The following PRPF8 variants were observed in gnomAD, a reference collection of about 807,000 sequenced individuals.
The protein encoded by PRPF8 is pre-mRNA-processing-splicing factor 8.
Under a neutral mutation model 285.9 loss-of-function variants are expected in PRPF8, and 64 were observed. The ratio of observed to expected loss-of-function variants is 0.22; its 90% CI spans 0.18 to 0.28. PRPF8 has a LOEUF of 0.28. PRPF8 is among the 10% of genes least tolerant of loss of function. PRPF8 has a pLI of 1.00. For missense variants in PRPF8, 1,426 were observed against 3,026.7 expected, an observed-to-expected ratio of 0.47 and a Z score of 12.41; for synonymous variants, 1,325 against 1,118.2, an observed-to-expected ratio of 1.18 and a Z score of -3.69.
rs747601595 is a variant in PRPF8, at chr17:1,655,343, T to C, written c.5987+7A>G. ...CTCCTGTCTGTGTCCCCACCAGCAC[T>C]GCTCACTTGTTTTTCTTGCCGTAGT... On this transcript the variant is annotated splice_region_variant and intron_variant, in intron 37 of 42. Coordinates refer to ENST00000304992, the MANE Select transcript of PRPF8 (RefSeq NM_006445.4). 6.8e-6 allele frequency: 11 copies of C among 1,612,950 alleles called. No homozygotes were observed. The South Asian group carries it at 8.8e-5, about 13-fold the overall frequency.
chr17:1,671,871 A>T (rs911066834), intron 24 of PRPF8, among the ~76,000 whole-genome samples: 1 of 151,046 alleles, frequency 6.6e-6, no homozygotes, highest in Non-Finnish European at 1.5e-5. Flanking sequence ...AAAAAAAAAA[A>T]AAAATTAAAA....
At position 1,661,207 on chromosome 17, in the gene PRPF8, C is replaced by T; in HGVS notation, c.4339-45G>A. ...CGGTCAAGCTTCTGGGTGCCTATTG[C>T]CCCAAGTTTCGGGGATAGCCATGGA... On this transcript the variant is annotated intron_variant, in intron 27 of 42. Coordinates refer to ENST00000304992, the MANE Select transcript of PRPF8 (RefSeq NM_006445.4). This position sits in a 1 kb window ranked among gnomAD's most constrained non-coding sequence, Gnocchi z 7.3. 1 of 1,614,048 alleles carries T rather than the reference C, an allele frequency of 6.2e-7. No individual in the cohort carries two copies. The highest frequency in any genetic ancestry group is 8.5e-7 in the Non-Finnish European group (1 of 1,180,008).
rs775835197 is a variant in PRPF8 at position 1,651,790 on chromosome 17, T to C, written c.6370-2A>G. The C allele has an allele frequency of 6.2e-7, 1 of 1,614,074 alleles. No individual in the cohort carries two copies. The highest frequency in any genetic ancestry group is 1.1e-5 in the South Asian group (1 of 91,084). On this transcript the variant is annotated splice_acceptor_variant, in intron 39 of 42. Transcript: ENST00000304992. LOFTEE classifies it high-confidence loss of function. This position sits in a 1 kb window ranked among gnomAD's most constrained non-coding sequence, Gnocchi z 5.1. ...CACCCCATATAGGTATCCTGCAATC[T>C]GGAGACAAAGGGGTCAGGAACCAAA...
At chr17:1,678,243 A>T (rs1484562663) in intron 13 of PRPF8, among the ~76,000 whole-genome samples, 1 of 152,028 alleles carries the variant, frequency 6.6e-6, no homozygotes, top group East Asian at 1.9e-4. Flanking sequence ...TCAACCCGGG[A>T]GGCGGAGGCT....
chr17:1,674,370 C>T, intron 21 of PRPF8, 72 bp downstream of exon 21: 3 of 1,471,642 alleles, frequency 2.0e-6, no homozygotes, highest in Non-Finnish European at 2.9e-6. Context: ...AACTCAGGTA[C>T]AATAGCTGAT....
intron 36 of PRPF8, 122 bp from the exon 37 acceptor site, chr17:1,655,665 C>T (rs28556319): frequency 0.042 from 35,797 of 862,400 alleles, 1,883 homozygotes; most frequent in African/African-American, 0.2. Context: ...CTTGCTCTGT[C>T]GCCCAGGCTG....
Position 1,675,354 on chromosome 17 carries a change from G to T in PRPF8, c.2873-15C>A, listed in dbSNP as rs1310783982. The T allele has an allele frequency of 1.2e-6, 2 of 1,613,858 alleles. No individual in the cohort carries two copies. The highest frequency in any genetic ancestry group is 2.7e-5 in the African/African-American group (2 of 74,878). ...GTTATTGATGCCTGAGGAGTAGCAA[G>T]GCAGGTCTCCAGCAGGTTAGAAATC... is the stretch of plus-strand genomic sequence containing the variant. On this transcript the variant is annotated splice_polypyrimidine_tract_variant and intron_variant, in intron 19 of 42. Transcript: ENST00000304992. This position sits in a 1 kb window ranked among gnomAD's most constrained non-coding sequence, Gnocchi z 6.0.
intron 2 of PRPF8, 70 bp downstream of exon 2, chr17:1,684,402 C>T (rs1913115705): frequency 6.6e-7 from 1 of 1,525,198 alleles, no homozygotes; most frequent in East Asian, 2.3e-5. Context: ...GGGGAGGGTC[C>T]CCACCCGCCT....
chr17:1,661,507 C>G lies in PRPF8; in HGVS notation c.4203-101G>C. 6.2e-7 allele frequency: 1 copy of G among 1,608,514 alleles called. No homozygotes were observed. The highest frequency in any genetic ancestry group is 8.5e-7 in the Non-Finnish European group (1 of 1,177,312). On this transcript the variant is annotated intron_variant, in intron 26 of 42. Transcript: ENST00000304992. The surrounding 1 kb of genome is among the most constrained non-coding windows in gnomAD (Gnocchi z 7.3). ...AATTAGGGTCAGTAGAACCAGCCTT[C>G]TCACCTCCATACAACCATGGCATGC...
In PRPF8 at chr17:1,658,388, G is replaced by A. The variant is rs1488174300; in HGVS notation, c.5377-7C>T. ...TCAAGTTCCCTTCAAAGGTCTAGAG[G>A]AGGACGGCATTCGTTAGCATGGCCT... On this transcript the variant is annotated splice_region_variant and splice_polypyrimidine_tract_variant and intron_variant, in intron 33 of 42. Coordinates refer to ENST00000304992, the MANE Select transcript of PRPF8 (RefSeq NM_006445.4). The surrounding 1 kb of genome is among the most constrained non-coding windows in gnomAD (Gnocchi z 4.1). 1 of 1,614,068 alleles carries A rather than the reference G, an allele frequency of 6.2e-7. No individual in the cohort carries two copies. The highest frequency in any genetic ancestry group is 8.5e-7 in the Non-Finnish European group (1 of 1,180,044).
Position 1,679,490 on chromosome 17 carries a change from AC to A in PRPF8, c.1290-81del. On this transcript the variant is annotated intron_variant, in intron 9 of 42. Coordinates refer to ENST00000304992, the MANE Select transcript of PRPF8 (RefSeq NM_006445.4). This position sits in a 1 kb window ranked among gnomAD's most constrained non-coding sequence, Gnocchi z 4.7. The stretch of plus-strand genomic sequence containing the variant: ...AAAGGCTGCAAGCCTTGGGTTGTCT[AC>A]CATTTTTATGGGAAAAAAAAAAAAA... 6.3e-7 allele frequency: 1 copy of A among 1,595,552 alleles called. No individual in the cohort carries two copies. The highest frequency in any genetic ancestry group is 8.5e-7 in the Non-Finnish European group (1 of 1,175,460).
intron 39 of PRPF8, among the ~76,000 whole-genome samples, chr17:1,652,469 C>G (rs1465865757): frequency 6.6e-6 from 1 of 152,168 alleles, no homozygotes; most frequent in Non-Finnish European, 1.5e-5. Flanking sequence ...GAACTCCTGA[C>G]CTCAAGTGAT....
At chr17:1,660,150 T>A (rs754083276) in intron 30 of PRPF8, 149 bp from the exon 31 acceptor site, 2 of 1,101,314 alleles carry the variant, frequency 1.8e-6, no homozygotes, top group African/African-American at 1.5e-5. Flanking sequence ...CTGAGCTGAC[T>A]CTGTACAGCA....
intron 6 of PRPF8, among the ~76,000 whole-genome samples, 164 bp from the exon 7 acceptor site, chr17:1,681,218 C>T (rs1402906856): frequency 1.3e-5 from 2 of 151,990 alleles, no homozygotes; most frequent in Non-Finnish European, 2.9e-5. Context: ...GTAACTGAGA[C>T]TACACGAAGC....
Position 1,682,272 on chromosome 17 carries a change from G to A in PRPF8, c.291C>T (p.His97=), listed in dbSNP as rs150683206. ...VYLGALKYMP[H]AVLKLLENMP... ...TGTTCTCCAGGAGTTTGAGGACTGCGTGGGGCATGTACTTTAGGGCACTGG... is the reference window on the plus strand; with the variant it reads ...TGTTCTCCAGGAGTTTGAGGACTGCATGGGGCATGTACTTTAGGGCACTGG... The change falls in exon 4 of 43, where the codon CAC becomes CAT. Residue 97 remains histidine (H), a synonymous_variant. Coordinates refer to ENST00000304992, the MANE Select transcript of PRPF8 (RefSeq NM_006445.4). The A allele has an allele frequency of 6.8e-6, 11 of 1,614,042 alleles. No individual in the cohort carries two copies. The highest frequency in any genetic ancestry group is 5.3e-5 in the African/African-American group (4 of 74,924).
chr17:1,655,658 G>A lies in PRPF8; in HGVS notation c.5794-115C>T, dbSNP rs1911335373. The A allele has an allele frequency of 6.6e-6, 6 of 905,816 alleles. No individual in the cohort carries two copies. The South Asian group carries it at 8.3e-5, about 13-fold the overall frequency. The allele number at this position is 905,816 out of a possible 1,614,324, so 56.1% of individuals were successfully genotyped here. A position where few individuals can be genotyped will look rare whatever the true frequency, so the allele number is the denominator to read the frequency against. On this transcript the variant is annotated intron_variant, in intron 36 of 42. Transcript: ENST00000304992. ...TTTTTTTCTTTTGAGACAGAGTCTT[G>A]CTCTGTCGCCCAGGCTGGAGTGCAG...
At position 1,682,113 on chromosome 17, in the gene PRPF8, T is replaced by C; in HGVS notation, c.434+16A>G. 6.2e-7 allele frequency: 1 copy of C among 1,613,412 alleles called. No individual in the cohort carries two copies. Among genetic ancestry groups the C allele is most frequent in the Non-Finnish European group, 8.5e-7 (1 of 1,179,686 alleles). The stretch of plus-strand genomic sequence containing the variant: ...ACCACCACCACCACCACCCACCATA[T>C]TTCAGCCTTTCTCACCCCCACTGGG... On this transcript the variant is annotated intron_variant, in intron 4 of 42. Transcript: ENST00000304992.
At position 1,669,402 on chromosome 17, in the gene PRPF8, G is replaced by A. The variant is rs114199845; in HGVS notation, c.3774+3679C>T. 2.5e-3 allele frequency among the ~76,000 whole-genome samples: 381 copies of A among 152,356 alleles called. 2 individuals are homozygous for A. Among genetic ancestry groups the A allele is most frequent in the African/African-American group, 8.7e-3 (360 of 41,588 alleles). On this transcript the variant is annotated intron_variant, in intron 24 of 42. Coordinates refer to ENST00000304992, the MANE Select transcript of PRPF8 (RefSeq NM_006445.4). ...TTACGGGCGTGAGCCACTGTGTCCA[G>A]CCAATTCCACACTTTTCTCTTGTAC...
rs1912809925 is a variant in PRPF8, at chr17:1,679,798, C to A, written c.1100G>T (p.Ser367Ile). 1 of 1,614,196 alleles carries A rather than the reference C, an allele frequency of 6.2e-7. No individual in the cohort carries two copies. Among genetic ancestry groups the A allele is most frequent in the Non-Finnish European group, 8.5e-7 (1 of 1,180,042 alleles). The change falls in exon 9 of 43, where the codon AGC (serine) becomes ATC (isoleucine). Residue 367 changes from serine (S) to isoleucine (I), a missense_variant and splice_region_variant. Ser to Ile is a moderately radical substitution (Grantham distance 142). Around this residue, in one of 34 missense-constraint regions of PRPF8, gnomAD observed 137 missense variants for 161.2 expected, o/e 0.85. Transcript: ENST00000304992. This position sits in a 1 kb window ranked among gnomAD's most constrained non-coding sequence, Gnocchi z 4.7. Reference protein sequence around the residue: ...NPISHRHSVKSQEPLPDDDEE... With the variant: ...NPISHRHSVKIQEPLPDDDEE... ...ATCATCATCCGGCAATGGTTCCTGG[C>A]TCTGAAAAAGGAATCCCTCTAAGGG...
Sources: gnomAD v4.1 joint callset for allele counts (sites outside exome capture counted in the v4.1 genomes callset) on GRCh38, gnomAD v4.1.1 for gene constraint, gnomAD v4.1.1 regional missense constraint, Gnocchi (gnomAD v3.1) non-coding constraint, MANE v1.5 for transcripts, NCBI Gene and HGNC (gene_info 2026-07-23, HGNC 2026-07-21) for gene names.